The following RBFOX1 variants were observed in gnomAD, a reference collection of about 807,000 sequenced individuals.
The protein encoded by RBFOX1 is RNA binding fox-1 homolog 1, also known as RNA binding protein fox-1 homolog 1.
RBFOX1 carries 8 observed loss-of-function variants against 57.7 expected under a neutral mutation model. The ratio of observed to expected loss-of-function variants is 0.14; its 90% CI spans 0.08 to 0.25. RBFOX1 has a LOEUF of 0.25. RBFOX1 is among the 10% of genes least tolerant of loss of function. The pLI is 1.00. For synonymous variants in RBFOX1, 326 were observed against 222.4 expected (o/e 1.47, Z -4.15); for missense variants, 611 against 548.5 (o/e 1.11, Z -1.14).
At position 5,359,777 on chromosome 16, in the gene RBFOX1, A is replaced by C. The variant is rs76407357; in HGVS notation, c.220-107439A>C. On this transcript the variant is annotated intron_variant, in intron 1 of 2. Coordinates refer to the RBFOX1 transcript ENST00000585867. ...TCCATTTTTGCTTTGGTTGCCTTTCATATGAATTTTCGGGGAGTCATAGTT... is the reference window on the plus strand; with the variant it reads ...TCCATTTTTGCTTTGGTTGCCTTTCCTATGAATTTTCGGGGAGTCATAGTT... Among the ~76,000 whole-genome samples, 223 of 152,284 alleles carry C rather than the reference A, an allele frequency of 1.5e-3. 5 individuals are homozygous for C. The East Asian group carries it at 0.037, about 25-fold the overall frequency.
intron 2 of RBFOX1, among the ~76,000 whole-genome samples, chr16:6,355,277 C>G (rs568009669): frequency 6.6e-6 from 1 of 152,234 alleles, no homozygotes; most frequent in Admixed American, 6.5e-5. Context: ...AATGTTATCA[C>G]TCCCCCAGCC....
At chr16:7,502,682 A>T (rs2071364512) in intron 4 of RBFOX1, among the ~76,000 whole-genome samples, 1 of 152,174 alleles carries the variant, frequency 6.6e-6, no homozygotes, top group African/African-American at 2.4e-5. Flanking sequence ...GGTGAGGCAT[A>T]AACTTTTATG....
At chr16:7,397,896 G>A (rs2098168818) in intron 4 of RBFOX1, among the ~76,000 whole-genome samples, 1 of 152,210 alleles carries the variant, frequency 6.6e-6, no homozygotes, top group Non-Finnish European at 1.5e-5. Context: ...TAAAACAGAT[G>A]AAACTACCTG....
chr16:7,314,543 G>A (rs1274115583), intron 4 of RBFOX1, among the ~76,000 whole-genome samples: 1 of 152,162 alleles, frequency 6.6e-6, no homozygotes, highest in Non-Finnish European at 1.5e-5. Flanking sequence ...ATGAAGAACG[G>A]GATGCGATCT....
At chr16:5,912,054 C>T (rs1314421363) in intron 4 of RBFOX1, among the ~76,000 whole-genome samples, 3 of 152,152 alleles carry the variant, frequency 2.0e-5, no homozygotes, top group Non-Finnish European at 4.4e-5. Flanking sequence ...CTCACCACTC[C>T]ACCCAAGCGC....
chr16:6,694,532 G>A (rs999844274), intron 3 of RBFOX1, among the ~76,000 whole-genome samples: 1 of 152,224 alleles, frequency 6.6e-6, no homozygotes, highest in African/African-American at 2.4e-5. Context: ...ACATGTCCTT[G>A]AAGTTGTTTC....
At chr16:6,040,549 ATTCTTTCTTTCT>A (rs140819240) in intron 1 of RBFOX1, among the ~76,000 whole-genome samples, 1 of 151,158 alleles carries the variant, frequency 6.6e-6, no homozygotes, top group Non-Finnish European at 1.5e-5. Context: ...TGAATTAATC[ATTCTTTCTTTCT>A]TTCTTTCTTT....
At chr16:5,767,148 C>T (rs886075962) in intron 3 of RBFOX1, among the ~76,000 whole-genome samples, 14 of 152,204 alleles carry the variant, frequency 9.2e-5, no homozygotes, top group Non-Finnish European at 2.9e-5. Context: ...GCCGGGCATT[C>T]AGTCCCAATC....
intron 2 of RBFOX1, among the ~76,000 whole-genome samples, chr16:6,465,752 A>G (rs971219496): frequency 3.9e-5 from 6 of 152,066 alleles, no homozygotes; most frequent in Non-Finnish European, 2.9e-5. Context: ...AACAGAGACC[A>G]TGTGGTCCAA....
intron 3 of RBFOX1, among the ~76,000 whole-genome samples, chr16:5,616,573 C>T: frequency 6.6e-6 from 1 of 150,810 alleles, no homozygotes; most frequent in Non-Finnish European, 1.5e-5. Flanking sequence ...CCTCTTCCCT[C>T]TCCCTTCTCC....
chr16:5,955,784 C>G (rs1324483586), intron 4 of RBFOX1, among the ~76,000 whole-genome samples: 1 of 151,982 alleles, frequency 6.6e-6, no homozygotes, highest in Non-Finnish European at 1.5e-5. Context: ...AAGGCAGTGA[C>G]CAGTAGAAAA....
intron 1 of RBFOX1, among the ~76,000 whole-genome samples, chr16:6,193,394 A>ATATATATATAC (rs1567651137): frequency 1.3e-3 from 33 of 24,534 alleles, no homozygotes; most frequent in African/African-American, 2.5e-3. Flanking sequence ...TATATATACT[A>ATATATATATAC]TATATATATA....
intron 1 of RBFOX1, among the ~76,000 whole-genome samples, chr16:6,067,374 A>C (rs564276850): frequency 9.9e-4 from 35 of 35,242 alleles, no homozygotes; most frequent in Middle Eastern, 0.022. Context: ...AGAGGCAAAA[A>C]CAAACCAACC....
At chr16:7,314,832 G>A (rs112350614) in intron 4 of RBFOX1, among the ~76,000 whole-genome samples, 3,248 of 152,214 alleles carry the variant, frequency 0.021, 63 homozygotes, top group African/African-American at 0.051. Context: ...AGGGGTTTTT[G>A]AGCCTTTTAA....
At chr16:6,923,110 T>C (rs1465797554) in intron 3 of RBFOX1, among the ~76,000 whole-genome samples, 4 of 152,170 alleles carry the variant, frequency 2.6e-5, no homozygotes, top group Non-Finnish European at 5.9e-5. Flanking sequence ...GAAAGTGATT[T>C]GTAGAATTCC....
At chr16:6,666,177 T>A (rs1245519774) in intron 3 of RBFOX1, among the ~76,000 whole-genome samples, 1 of 152,190 alleles carries the variant, frequency 6.6e-6, no homozygotes, top group Non-Finnish European at 1.5e-5. Flanking sequence ...CTTTATAAAT[T>A]ATCCAGTCTC....
chr16:5,415,820 G>C lies in RBFOX1; in HGVS notation c.220-51396G>C, dbSNP rs114835570. On this transcript the variant is annotated intron_variant, in intron 1 of 2. Coordinates refer to the RBFOX1 transcript ENST00000585867. ...AATGACAGTGGTGAAAGAATGTCCT[G>C]TATCTCCCATTAAGGCTAAGACACA... Among the ~76,000 whole-genome samples the C allele has an allele frequency of 3.2e-3, 481 of 152,274 alleles. 6 individuals are homozygous for C. The highest frequency in any genetic ancestry group is 0.011 in the African/African-American group (461 of 41,548).
intron 11 of RBFOX1, among the ~76,000 whole-genome samples, chr16:7,631,459 G>T (rs140963858): frequency 2.6e-5 from 4 of 152,112 alleles, no homozygotes; most frequent in Non-Finnish European, 5.9e-5. Flanking sequence ...AATTAAAGCC[G>T]CCACTGACTC....
intron 2 of RBFOX1, among the ~76,000 whole-genome samples, chr16:6,652,055 C>G (rs2098600655): frequency 6.6e-6 from 1 of 152,136 alleles, no homozygotes. Context: ...GTCGTAACTT[C>G]CAATGTGATT....
Sources: allele counts gnomAD v4.1 joint callset (sites outside exome capture counted in the v4.1 genomes callset), GRCh38; gene constraint gnomAD v4.1.1; transcripts MANE v1.5; gene names NCBI Gene and HGNC (gene_info 2026-07-23, HGNC 2026-07-21).